The following TRAPPC11 variants were observed in gnomAD, a reference collection of about 807,000 sequenced individuals.
TRAPPC11 encodes the protein trafficking protein particle complex subunit 11, also known as foie gras homolog.
In TRAPPC11, 104 loss-of-function variants were observed where a neutral mutation model predicts 151.2. The ratio of observed to expected loss-of-function variants is 0.69; its 90% confidence interval spans 0.59 to 0.81. The LOEUF (loss-of-function observed/expected upper bound fraction) is 0.81. Ranked by LOEUF, TRAPPC11 falls within the 30% of genes least tolerant of loss-of-function variation. TRAPPC11 has a pLI of 0.00. For missense variants in TRAPPC11, 1,230 were observed against 1,349.6 expected, an observed-to-expected ratio of 0.91 and a Z score of 1.39; for synonymous variants, 456 against 472.3, an observed-to-expected ratio of 0.97 and a Z score of 0.45.
At chr4:183,668,176 T>G in intron 5 of TRAPPC11, 59 bp downstream of exon 5, 2 of 970,676 alleles carry the variant, frequency 2.1e-6, no homozygotes, top group Non-Finnish European at 1.6e-6. Flanking sequence ...GAGAAATTGG[T>G]AGCTTAGACC....
At chr4:183,676,887 CCTGAGTAG>C (rs1735440683) in intron 7 of TRAPPC11, among the ~76,000 whole-genome samples, 1 of 152,198 alleles carries the variant, frequency 6.6e-6, no homozygotes, top group African/African-American at 2.4e-5. Flanking sequence ...GCCTCAACTT[CCTGAGTAG>C]CTGGGATTAC....
At chr4:183,688,341 C>T (rs1025147526) in intron 18 of TRAPPC11, among the ~76,000 whole-genome samples, 6 of 152,074 alleles carry the variant, frequency 3.9e-5, no homozygotes, top group Non-Finnish European at 7.4e-5. Context: ...ACATGTTTGG[C>T]AATGAGAAAA....
intron 10 of TRAPPC11, among the ~76,000 whole-genome samples, chr4:183,680,836 G>T (rs1262884135): frequency 5.3e-5 from 8 of 151,892 alleles, no homozygotes; most frequent in Non-Finnish European, 1.0e-4. Context: ...GGGATTACAG[G>T]CGCCCGCCAC....
chr4:183,667,243 T>C lies in TRAPPC11; in HGVS notation c.445+113T>C. ...TTTATGCATTCAGTTATGGGGCTGATAGTATGTTAACTTTAAAAAGCACCA... is the reference window on the plus strand; with the variant it reads ...TTTATGCATTCAGTTATGGGGCTGACAGTATGTTAACTTTAAAAAGCACCA... On this transcript the variant is annotated intron_variant, in intron 4 of 29. Transcript: ENST00000334690. 4.0e-6 allele frequency: 3 copies of C among 755,666 alleles called. No individual in the cohort carries two copies. The South Asian group carries it at 6.0e-5, about 15-fold the overall frequency. The allele number at this position is 755,666 out of a possible 1,614,324, so 46.8% of individuals were successfully genotyped here.
At chr4:183,678,119 AG>A (rs1219113439) in intron 8 of TRAPPC11, among the ~76,000 whole-genome samples, 1 of 151,948 alleles carries the variant, frequency 6.6e-6, no homozygotes. Flanking sequence ...TTGTGTTTTT[AG>A]TAGAGACATG....
At chr4:183,691,009 A>G (rs1002705397) in intron 18 of TRAPPC11, among the ~76,000 whole-genome samples, 1 of 152,070 alleles carries the variant, frequency 6.6e-6, no homozygotes, top group African/African-American at 2.4e-5. Context: ...GAAGCCAAGT[A>G]AAAAAAGGCT....
chr4:183,669,912 G>A (rs1735068625), intron 5 of TRAPPC11, among the ~76,000 whole-genome samples: 1 of 152,216 alleles, frequency 6.6e-6, no homozygotes, highest in African/African-American at 2.4e-5. Flanking sequence ...TGTGGATGAT[G>A]AAACATTTCA....
At chr4:183,700,583 A>G (rs1449878015) in intron 25 of TRAPPC11, among the ~76,000 whole-genome samples, 3 of 152,330 alleles carry the variant, frequency 2.0e-5, no homozygotes, top group South Asian at 2.1e-4. Context: ...TTATCTTGTC[A>G]TCAGGGAATT....
At chr4:183,663,465 C>G (rs1388791610) in intron 1 of TRAPPC11, among the ~76,000 whole-genome samples, 1 of 152,170 alleles carries the variant, frequency 6.6e-6, no homozygotes, top group Non-Finnish European at 1.5e-5. Context: ...GATCTCCTGA[C>G]CTCGTGATCT....
chr4:183,705,017 T>C lies in TRAPPC11; in HGVS notation c.3002T>C (p.Val1001Ala). The C allele has an allele frequency of 6.2e-7, 1 of 1,602,940 alleles. No homozygotes were observed. The highest frequency in any genetic ancestry group is 2.2e-5 in the East Asian group (1 of 44,838). The change falls in exon 27 of 30, where the codon GTC becomes GCC. Residue 1001 changes from valine (V) to alanine (A), a missense_variant. Physicochemically the swap from Val to Ala is moderately conservative, Grantham distance 64. Transcript: ENST00000334690. ...GAGAATATCCCCATCATCACAACTG[T>C]CATCACTCTGCCGCACGTGATTGTG... ...AMENIPIITT[V>A]ITLPHVIVEN...
At position 183,684,204 on chromosome 4, in the gene TRAPPC11, G is replaced by A. The variant is rs141205658; in HGVS notation, c.1347G>A (p.Pro449=). ...CACAGTTCAAGAAGTATAAGTGCCCGCGAATGAAAAGTCACCTAAGTATGT... is the reference window on the plus strand; with the variant it reads ...CACAGTTCAAGAAGTATAAGTGCCCACGAATGAAAAGTCACCTAAGTATGT... The part of the protein sequence containing the change: ...AVAQFKKYKC[P]RMKSHLMVQM... Residue 449 remains proline (P), a synonymous_variant, in exon 13 of 30, where the codon CCG becomes CCA. Transcript: ENST00000334690. 40 of 1,613,952 alleles carry A rather than the reference G, an allele frequency of 2.5e-5. No individual in the cohort carries two copies. Among genetic ancestry groups the A allele is most frequent in the Non-Finnish European group, 3.0e-5 (35 of 1,179,918 alleles).
At chr4:183,661,361 C>CTTTTTTTTTTTT (rs139201416) in intron 1 of TRAPPC11, among the ~76,000 whole-genome samples, 2 of 79,392 alleles carry the variant, frequency 2.5e-5, no homozygotes, top group East Asian at 4.2e-4. Flanking sequence ...TGTAGATTAC[C>CTTTTTTTTTTTT]TTTTTTTTTT....
chr4:183,691,915 A>G (rs774861040), intron 19 of TRAPPC11, among the ~76,000 whole-genome samples: 1 of 152,194 alleles, frequency 6.6e-6, no homozygotes, highest in Non-Finnish European at 1.5e-5. Flanking sequence ...TTAAAGAAAA[A>G]TGAACATATA....
rs1366638408 is a variant in TRAPPC11 at position 183,677,443 on chromosome 4, A to G, written c.735-15A>G. On this transcript the variant is annotated splice_polypyrimidine_tract_variant and intron_variant, in intron 7 of 29. Transcript: ENST00000334690. ...ATTAAACTAATTTATATCATTAACC[A>G]CCCTCCTCATTTAGGAATTATAGGA... 3.5e-6 allele frequency: 5 copies of G among 1,440,678 alleles called. No individual in the cohort carries two copies. Among genetic ancestry groups the G allele is most frequent in the Non-Finnish European group, 4.9e-6 (5 of 1,027,954 alleles). The allele number at this position is 1,440,678 out of a possible 1,614,324, so 89.2% of individuals were successfully genotyped here.
At chr4:183,668,243 A>G (rs1734980095) in intron 5 of TRAPPC11, 126 bp downstream of exon 5, 2 of 527,586 alleles carry the variant, frequency 3.8e-6, no homozygotes, top group Non-Finnish European at 6.6e-6. Context: ...TACAGAGGCT[A>G]TGGGGTAAAA....
Position 183,697,688 on chromosome 4 carries a change from C to G in TRAPPC11, c.2704C>G (p.Leu902Val). The G allele has an allele frequency of 1.9e-6, 3 of 1,613,946 alleles. No homozygotes were observed. Among genetic ancestry groups the G allele is most frequent in the Non-Finnish European group, 1.7e-6 (2 of 1,179,986 alleles). The change falls in exon 25 of 30, where the codon CTG (leucine) becomes GTG (valine). Residue 902 changes from leucine (L) to valine (V), a missense_variant. Leu to Val is a conservative substitution (Grantham distance 32). Coordinates refer to ENST00000334690, the MANE Select transcript of TRAPPC11 (RefSeq NM_021942.6). ...TCTTCATTTGTGACAGTTTGAGCAC[C>G]TGGAAAGGGTTTATGCTGACATCCC... ...VKFVSTKFEH[L>V]ERVYADIPFL... is the part of the protein sequence containing the mutation.
At chr4:183,679,977 G>T in intron 9 of TRAPPC11, 143 bp from the exon 10 acceptor site, 1 of 665,286 alleles carries the variant, frequency 1.5e-6, no homozygotes. Context: ...TATTTACAAA[G>T]AAATTAGAAC....
intron 18 of TRAPPC11, among the ~76,000 whole-genome samples, chr4:183,690,071 C>T (rs921035869): frequency 1.3e-5 from 2 of 151,902 alleles, no homozygotes; most frequent in South Asian, 4.1e-4. Context: ...AGCGTGGTGG[C>T]GGGTGCCTGT....
intron 2 of TRAPPC11, among the ~76,000 whole-genome samples, chr4:183,665,036 G>A (rs556166485): frequency 6.7e-6 from 1 of 150,234 alleles, no homozygotes; most frequent in Non-Finnish European, 1.5e-5. Context: ...CTCTGAAATT[G>A]TGCAAGTAAT....
Sources: gnomAD v4.1 joint callset for allele counts (sites outside exome capture counted in the v4.1 genomes callset) on GRCh38, gnomAD v4.1.1 for gene constraint, MANE v1.5 for transcripts, NCBI Gene and HGNC (gene_info 2026-07-23, HGNC 2026-07-21) for gene names.